The following FARS2 variants were observed in gnomAD, a reference collection of about 807,000 sequenced individuals.
FARS2 encodes phenylalanyl-tRNA synthetase 2, mitochondrial, also known as phenylalanine--tRNA ligase, mitochondrial.
Under a neutral mutation model 46.4 loss-of-function variants are expected in FARS2, and 40 were observed. That is an observed-to-expected ratio of 0.86 (90% confidence interval 0.67 to 1.12). The LOEUF is 1.12. Among genes scored for constraint, FARS2 ranks in the 50% most tolerant of loss-of-function variants. The probability of loss-of-function intolerance (pLI) is 0.00; values close to 1 mark genes in which losing one functional copy is unlikely to be tolerated. For missense variants in FARS2, 513 were observed against 567.9 expected, an observed-to-expected ratio of 0.90 and a Z score of 0.98; for synonymous variants, 234 against 214.9, an observed-to-expected ratio of 1.09 and a Z score of -0.78.
intron 4 of FARS2, among the ~76,000 whole-genome samples, chr6:5,505,680 G>A (rs1768058582): frequency 6.6e-6 from 1 of 151,916 alleles, no homozygotes; most frequent in African/African-American, 2.4e-5. Context: ...TTCAATGGCT[G>A]AAGCTATAGG....
At chr6:5,595,157 G>A (rs1034122283) in intron 5 of FARS2, among the ~76,000 whole-genome samples, 3 of 152,178 alleles carry the variant, frequency 2.0e-5, no homozygotes, top group Non-Finnish European at 4.4e-5. Context: ...TTGTAGCTTT[G>A]AGCCCTGCAC....
At chr6:5,597,133 A>C (rs1487297431) in intron 5 of FARS2, among the ~76,000 whole-genome samples, 4 of 152,300 alleles carry the variant, frequency 2.6e-5, no homozygotes, top group Admixed American at 6.5e-5. Context: ...TCCAGAAAGC[A>C]CTCAGTACCT....
intron 4 of FARS2, among the ~76,000 whole-genome samples, chr6:5,538,941 G>C (rs548737919): frequency 6.6e-6 from 1 of 152,280 alleles, no homozygotes; most frequent in African/African-American, 2.4e-5. Context: ...GTTGCTCTCT[G>C]TTCCCCATGA....
intron 6 of FARS2, among the ~76,000 whole-genome samples, chr6:5,761,510 G>A (rs957177482): frequency 4.6e-5 from 7 of 152,214 alleles, no homozygotes; most frequent in Non-Finnish European, 5.9e-5. Context: ...CAGATCTTCT[G>A]TTCTGTTACC....
At chr6:5,420,337 C>T (rs1582052549) in intron 3 of FARS2, among the ~76,000 whole-genome samples, 1 of 152,298 alleles carries the variant, frequency 6.6e-6, no homozygotes, top group Non-Finnish European at 1.5e-5. Context: ...CATGCCTTCT[C>T]AACAGTGCCC....
chr6:5,442,321 A>T (rs1763887082), intron 4 of FARS2, among the ~76,000 whole-genome samples: 1 of 151,450 alleles, frequency 6.6e-6, no homozygotes. Context: ...ATTTCTATGT[A>T]TTGCAATTAT....
In FARS2 at chr6:5,765,221, C is replaced by T. The variant is rs542249677; in HGVS notation, c.1218-6070C>T. On this transcript the variant is annotated intron_variant, in intron 6 of 6. Coordinates refer to ENST00000274680, the MANE Select transcript of FARS2 (RefSeq NM_006567.5). The surrounding 1 kb of genome is among the most constrained non-coding windows in gnomAD (Gnocchi z 4.0). ...GGGCTGCCCCTCTGGCCCTGGCTCT[C>T]GGCTTCCACACAAGCAGCTACTCTT... Among the ~76,000 whole-genome samples, 26 of 152,350 alleles carry T rather than the reference C, an allele frequency of 1.7e-4. No homozygotes were observed. Among genetic ancestry groups the T allele is most frequent in the Admixed American group, 1.1e-3 (17 of 15,310 alleles).
chr6:5,664,055 A>AG (rs1777984280), intron 6 of FARS2, among the ~76,000 whole-genome samples: 1 of 152,242 alleles, frequency 6.6e-6, no homozygotes, highest in Non-Finnish European at 1.5e-5. Context: ...CACTGTTAGC[A>AG]GCTCTGCAGT....
At chr6:5,589,350 C>T (rs1773791808) in intron 5 of FARS2, among the ~76,000 whole-genome samples, 1 of 152,222 alleles carries the variant, frequency 6.6e-6, no homozygotes, top group Admixed American at 6.5e-5. Context: ...GCTAGAGCTG[C>T]ATAAATATTG....
chr6:5,647,039 A>G (rs1239273885), intron 6 of FARS2, among the ~76,000 whole-genome samples: 3 of 152,338 alleles, frequency 2.0e-5, no homozygotes, highest in South Asian at 2.1e-4. Context: ...AGTTGAAGGC[A>G]TAGGAGCAGG....
chr6:5,669,005 CAAGTTTCTT>C (rs1455049529), intron 6 of FARS2, among the ~76,000 whole-genome samples: 1 of 152,124 alleles, frequency 6.6e-6, no homozygotes, highest in African/African-American at 2.4e-5. Context: ...CCACGTTGAG[CAAGTTTCTT>C]AACTTCTCTA....
intron 6 of FARS2, among the ~76,000 whole-genome samples, chr6:5,686,347 C>T (rs554157326): frequency 1.8e-4 from 27 of 151,092 alleles, no homozygotes; most frequent in East Asian, 3.9e-4. Context: ...TGCTCTCCCC[C>T]CCCGCTGCCC....
chr6:5,493,556 C>T (rs888095628), intron 4 of FARS2, among the ~76,000 whole-genome samples: 6 of 152,150 alleles, frequency 3.9e-5, no homozygotes, highest in South Asian at 4.1e-4. Context: ...ATGTCTACCC[C>T]GGACCACCAA....
chr6:5,477,959 G>A (rs555400899), intron 4 of FARS2, among the ~76,000 whole-genome samples: 10 of 152,282 alleles, frequency 6.6e-5, no homozygotes, highest in African/African-American at 2.2e-4. Flanking sequence ...GGTCGAGGCT[G>A]CAGTGAGCCA....
intron 6 of FARS2, among the ~76,000 whole-genome samples, chr6:5,682,623 T>G (rs1057149189): frequency 3.3e-5 from 5 of 152,248 alleles, no homozygotes; most frequent in Non-Finnish European, 7.3e-5. Flanking sequence ...TTGCCTTGCA[T>G]GTCATTCTTT....
chr6:5,439,381 TGA>T (rs1300726760), intron 4 of FARS2, among the ~76,000 whole-genome samples: 2 of 152,246 alleles, frequency 1.3e-5, no homozygotes, highest in African/African-American at 2.4e-5. Context: ...GGCTTCTCTT[TGA>T]GTTTAGTTGC....
At chr6:5,597,727 G>A (rs1198454506) in intron 5 of FARS2, among the ~76,000 whole-genome samples, 4 of 152,024 alleles carry the variant, frequency 2.6e-5, no homozygotes, top group Non-Finnish European at 4.4e-5. Flanking sequence ...TGTCTTTTTT[G>A]TTGAAGTCTA....
At chr6:5,591,960 A>G (rs1375545565) in intron 5 of FARS2, among the ~76,000 whole-genome samples, 2 of 152,218 alleles carry the variant, frequency 1.3e-5, no homozygotes, top group East Asian at 3.8e-4. Flanking sequence ...CTTTCTATAC[A>G]TATTTGTTGA....
intron 6 of FARS2, among the ~76,000 whole-genome samples, chr6:5,639,514 A>G (rs376587962): frequency 2.0e-5 from 3 of 152,208 alleles, no homozygotes; most frequent in African/African-American, 7.2e-5. Flanking sequence ...TGAGAAGTAG[A>G]TTTCTCTTGC....
Sources: gnomAD v4.1 joint callset for allele counts (sites outside exome capture counted in the v4.1 genomes callset) on GRCh38, gnomAD v4.1.1 for gene constraint, Gnocchi (gnomAD v3.1) non-coding constraint, MANE v1.5 for transcripts, NCBI Gene and HGNC (gene_info 2026-07-23, HGNC 2026-07-21) for gene names.